TYK2: variants seen among roughly 807,000 people sequenced by gnomAD.
The protein encoded by TYK2 is tyrosine kinase 2, also known as non-receptor tyrosine-protein kinase TYK2.
Under a neutral mutation model 130.9 loss-of-function variants are expected in TYK2, and 65 were observed. The ratio of observed to expected loss-of-function variants is 0.50; its 90% CI spans 0.41 to 0.61. The LOEUF is 0.61. Among genes scored for constraint, TYK2 ranks in the 20% least tolerant of loss-of-function variants. The pLI is 0.00. For missense variants in TYK2, 1,378 were observed against 1,610.7 expected, an observed-to-expected ratio of 0.86 and a Z score of 2.47; for synonymous variants, 647 against 658.9, an observed-to-expected ratio of 0.98 and a Z score of 0.28.
chr19:10,350,594 G>C lies in TYK2; in HGVS notation c.*240C>G. ...TGGTGGGCCTCAAGTTTGGAAGCTG[G>C]GGGATTTAAGGGCTGGATTAGTGCC... On this transcript the variant is annotated 3_prime_UTR_variant, in exon 25 of 25. Transcript: ENST00000525621. 1 of 535,374 alleles carries C rather than the reference G, an allele frequency of 1.9e-6. No homozygotes were observed. Among genetic ancestry groups the C allele is most frequent in the South Asian group, 2.3e-5 (1 of 44,414 alleles). The allele number at this position is 535,374 out of a possible 1,614,324, so 33.2% of individuals were successfully genotyped here. A position where few individuals can be genotyped will look rare whatever the true frequency, so the allele number is the denominator to read the frequency against.
At chr19:10,356,851 A>G in intron 17 of TYK2, 133 bp from the exon 18 acceptor site, 1 of 927,846 alleles carries the variant, frequency 1.1e-6, no homozygotes, top group Admixed American at 2.1e-5. Context: ...CAGATGAGGC[A>G]ACTGAGGCTC....
intron 7 of TYK2, 148 bp downstream of exon 7, chr19:10,365,369 A>C (rs1195328963): frequency 1.6e-6 from 2 of 1,267,930 alleles, no homozygotes; most frequent in Admixed American, 3.8e-5. Flanking sequence ...ACCTTCTCCA[A>C]GAAACTGGCC....
intron 3 of TYK2, among the ~76,000 whole-genome samples, chr19:10,371,115 G>A (rs1194079673): frequency 2.6e-5 from 4 of 151,742 alleles, no homozygotes; most frequent in African/African-American, 9.7e-5. Context: ...ACAGGCGCAC[G>A]CCACCATGCC....
intron 18 of TYK2, among the ~76,000 whole-genome samples, chr19:10,355,697 C>T (rs189019034): frequency 2.0e-3 from 307 of 150,676 alleles, no homozygotes; most frequent in Admixed American, 3.2e-3. Context: ...GGCGCAGTGG[C>T]TCATGCCTGT....
chr19:10,354,671 G>C (rs1336691611), intron 18 of TYK2, 62 bp from the exon 19 acceptor site: 1 of 1,432,924 alleles, frequency 7.0e-7, no homozygotes. Flanking sequence ...GCCCACACTT[G>C]GGAGTCACAA....
chr19:10,372,297 T>G (rs927530926), intron 3 of TYK2, among the ~76,000 whole-genome samples: 6 of 114,424 alleles, frequency 5.2e-5, no homozygotes, highest in East Asian at 5.0e-4. Flanking sequence ...CCGGCCTGGG[T>G]TTTTTTTTTT....
In TYK2 at chr19:10,352,994, T is replaced by G. The variant is rs749820781; in HGVS notation, c.3132A>C (p.Leu1044=). 2.5e-6 allele frequency: 4 copies of G among 1,606,532 alleles called. No individual in the cohort carries two copies. In the African/African-American group the frequency reaches 5.4e-5, roughly 22 times the overall value. ...DRLVKIGDFG[L]AKAVPEGHEY... The stretch of plus-strand genomic sequence containing the variant: ...CGTGGCCTTCGGGCACGGCCTTGGC[T>G]AGGCCAAAGTCCCCGATCTTGACCA... Residue 1044 remains leucine, a synonymous_variant, in exon 22 of 25, where the codon CTA becomes CTC. Transcript: ENST00000525621.
Position 10,354,175 on chromosome 19 carries a change from C to A in TYK2, c.2775G>T (p.Glu925Asp). Residue 925 changes from glutamate to aspartate, a missense_variant, in exon 20 of 25, where the codon GAG becomes GAT. Coordinates refer to ENST00000525621, the MANE Select transcript of TYK2 (RefSeq NM_003331.5). ...CYDPTNDGTGEMVAVKALKAD... is the reference protein window; with the variant it reads ...CYDPTNDGTGDMVAVKALKAD... ...CCTTGAGGGCTTTCACCGCCACCAT[C>A]TCGCCAGTGCCGTCGTTGGTCGGAT... 6.2e-7 allele frequency: 1 copy of A among 1,613,966 alleles called. No individual in the cohort carries two copies. Among genetic ancestry groups the A allele is most frequent in the East Asian group, 2.2e-5 (1 of 44,878 alleles).
At chr19:10,380,143 C>T (rs2042312685) in intron 1 of TYK2, among the ~76,000 whole-genome samples, 1 of 152,220 alleles carries the variant, frequency 6.6e-6, no homozygotes, top group South Asian at 2.1e-4. Flanking sequence ...ATACAGTAAG[C>T]GCTTAATTAG....
rs1599327489 is a variant in TYK2, at chr19:10,353,445, A to G, written c.3027+83T>C. On this transcript the variant is annotated intron_variant, in intron 21 of 24. Transcript: ENST00000525621. This position sits in a 1 kb window ranked among gnomAD's most constrained non-coding sequence, Gnocchi z 6.9. The stretch of plus-strand genomic sequence containing the variant: ...CAAACGAGCAGGGGCGGAGCGTGAG[A>G]GCAGACTGCACCGGATCGCTCAGGC... 3 of 968,960 alleles carry G rather than the reference A, an allele frequency of 3.1e-6. No individual in the cohort carries two copies. The East Asian group carries it at 8.5e-5, about 27-fold the overall frequency. The allele number at this position is 968,960 out of a possible 1,614,324, so 60.0% of individuals were successfully genotyped here.
intron 23 of TYK2, among the ~76,000 whole-genome samples, 193 bp downstream of exon 23, chr19:10,352,238 ATTT>A (rs544683679): frequency 6.8e-6 from 1 of 146,578 alleles, no homozygotes; most frequent in South Asian, 2.2e-4. Flanking sequence ...CGCCTGGCTA[ATTT>A]TTTTTGTATT....
Position 10,350,888 on chromosome 19 carries a change from C to T in TYK2, c.3510G>A (p.Lys1170=), listed in dbSNP as rs896983077. The T allele has an allele frequency of 4.3e-6, 7 of 1,614,076 alleles. No individual in the cohort carries two copies. The African/African-American group carries it at 8.0e-5, about 18-fold the overall frequency. ...GGCCTTGGTACTTCTCATGGACTGT[C>T]TTCAGAATGGGTATGAGGTTCTCGA... ...PTFENLIPIL[K]TVHEKYQGQA... is the part of the protein sequence containing the mutation. Residue 1170 remains lysine, a synonymous_variant, in exon 25 of 25, where the codon AAG becomes AAA. Coordinates refer to ENST00000525621, the MANE Select transcript of TYK2 (RefSeq NM_003331.5).
rs56255228 is a variant in TYK2 at position 10,354,158 on chromosome 19, G to T, written c.2792C>A (p.Ala931Asp). 5 of 1,613,948 alleles carry T rather than the reference G, an allele frequency of 3.1e-6. No homozygotes were observed. The East Asian group carries it at 1.1e-4, about 36-fold the overall frequency. The stretch of plus-strand genomic sequence containing the variant: ...CTGGGGGCCGCAGTCTGCCTTGAGG[G>T]CTTTCACCGCCACCATCTCGCCAGT... ...DGTGEMVAVK[A>D]LKADCGPQHR... The change falls in exon 20 of 25, where the codon GCC (alanine) becomes GAC (aspartate). Residue 931 changes from alanine (A) to aspartate (D), a missense_variant. By Grantham distance (126) the Ala-to-Asp change is moderately radical (BLOSUM62 -2). Coordinates refer to ENST00000525621, the MANE Select transcript of TYK2 (RefSeq NM_003331.5).
At chr19:10,367,307 C>T (rs1334953191) in intron 5 of TYK2, among the ~76,000 whole-genome samples, 2 of 152,012 alleles carry the variant, frequency 1.3e-5, no homozygotes, top group South Asian at 2.1e-4. Context: ...CATTACTAAT[C>T]AATCACAGCA....
Position 10,357,855 on chromosome 19 carries a change from C to A in TYK2, c.2375G>T (p.Ser792Ile), listed in dbSNP as rs773126586. ...ECLPGGANSL[S>I]TAMDKWGFGA... ...AAACCCCCACTTGTCCATGGCGGTG[C>A]TTAGGCTGTTGGCCCCACCTGGTAG... is the stretch of plus-strand genomic sequence containing the variant. Residue 792 changes from serine (S) to isoleucine (I), a missense_variant, in exon 17 of 25, where the codon AGC (serine) becomes ATC (isoleucine). By Grantham distance (142) the Ser-to-Ile change is moderately radical. Transcript: ENST00000525621. The A allele has an allele frequency of 2.5e-5, 40 of 1,613,436 alleles. No individual in the cohort carries two copies. The Middle Eastern group carries it at 4.9e-4, about 20-fold the overall frequency.
chr19:10,371,771 C>T (rs141651595), intron 3 of TYK2, among the ~76,000 whole-genome samples: 151 of 152,268 alleles, frequency 9.9e-4, no homozygotes, highest in Middle Eastern at 3.4e-3. Context: ...TAAATTCCTT[C>T]TCCCGGCTGC....
Position 10,366,308 on chromosome 19 carries a change from G to GA in TYK2, c.629+108dup, listed in dbSNP as rs1310326387. Reference sequence around the variant, plus strand: ...GGTGACAGAGAGAGACTCCGGCTCAGAAAAAAAAAAAAGTAGAGGCACGGC... The same window carrying GA: ...GGTGACAGAGAGAGACTCCGGCTCAGAAAAAAAAAAAAAGTAGAGGCACGGC... On this transcript the variant is annotated intron_variant, in intron 6 of 24. Coordinates refer to ENST00000525621, the MANE Select transcript of TYK2 (RefSeq NM_003331.5). 117,508 of 875,694 alleles carry GA rather than the reference G, an allele frequency of 0.13. 88 individuals carry two copies. The highest frequency in any genetic ancestry group is 0.16 in the South Asian group (6,746 of 43,380). 54.2% of individuals were successfully genotyped at this position (875,694 alleles called of 1,614,324 possible).
intron 18 of TYK2, among the ~76,000 whole-genome samples, chr19:10,354,818 G>A (rs1416313270): frequency 6.6e-6 from 1 of 152,024 alleles, no homozygotes; most frequent in Non-Finnish European, 1.5e-5. Context: ...GGGAGGCCGA[G>A]GCGGGAAGAT....
chr19:10,361,249 T>C lies in TYK2; in HGVS notation c.2047+262A>G. The C allele has an allele frequency of 1.7e-6, 1 of 596,976 alleles. No homozygotes were observed. Among genetic ancestry groups the C allele is most frequent in the South Asian group, 1.9e-5 (1 of 53,898 alleles). The allele number at this position is 596,976 out of a possible 1,614,324, so 37.0% of individuals were successfully genotyped here. ...TTTGGGAGGTTGATGGAAGTGGGGA[T>C]GTAGTTGGGAATCAGGGTGGGGGTT... On this transcript the variant is annotated intron_variant, in intron 14 of 24. Transcript: ENST00000525621. This position sits in a 1 kb window ranked among gnomAD's most constrained non-coding sequence, Gnocchi z 4.0.
Sources: allele counts gnomAD v4.1 joint callset (sites outside exome capture counted in the v4.1 genomes callset), GRCh38; gene constraint gnomAD v4.1.1; non-coding constraint Gnocchi (gnomAD v3.1); transcripts MANE v1.5; gene names NCBI Gene and HGNC (gene_info 2026-07-23, HGNC 2026-07-21).